The following LINGO2 variants were observed in gnomAD, a reference collection of about 807,000 sequenced individuals.
LINGO2 encodes the protein leucine rich repeat and Ig domain containing 2.
LINGO2 carries 14 observed loss-of-function variants against 30.6 expected under a neutral mutation model. That is an observed-to-expected ratio of 0.46 (90% CI 0.30 to 0.72). The LOEUF (loss-of-function observed/expected upper bound fraction) is 0.72, where lower values mean the gene tolerates loss of function less well. Ranked by LOEUF, LINGO2 falls within the 30% of genes least tolerant of loss-of-function variation. The pLI, the probability that LINGO2 is intolerant of heterozygous loss-of-function variation, is 0.07. For synonymous variants in LINGO2, 317 were observed against 288.5 expected (o/e 1.10, Z -1.00); for missense variants, 729 against 751.7 (o/e 0.97, Z 0.35).
chr9:28,188,212 A>G (rs1354821248), intron 4 of LINGO2, among the ~76,000 whole-genome samples: 1 of 152,120 alleles, frequency 6.6e-6, no homozygotes, highest in Non-Finnish European at 1.5e-5. Flanking sequence ...GCTAATTTCT[A>G]CTTATTCACT....
chr9:28,355,140 C>A (rs1410477873), intron 3 of LINGO2, among the ~76,000 whole-genome samples: 3 of 152,114 alleles, frequency 2.0e-5, no homozygotes, highest in African/African-American at 7.2e-5. Context: ...GTCTAATAGA[C>A]ATCTATAATT....
intron 5 of LINGO2, among the ~76,000 whole-genome samples, chr9:27,975,041 T>C (rs1373583843): frequency 6.6e-6 from 1 of 152,150 alleles, no homozygotes; most frequent in Non-Finnish European, 1.5e-5. Flanking sequence ...AGACTTCTGA[T>C]TTGCATCCTA....
chr9:28,919,159 G>A, the LINGO2 span, among the ~76,000 whole-genome samples: 10 of 152,064 alleles, frequency 6.6e-5, no homozygotes, highest in African/African-American at 9.7e-5. Context: ...ACAGAGCATC[G>A]CCAGATGTAC....
chr9:28,595,467 A>AGCCT (rs1300236964), intron 1 of LINGO2, among the ~76,000 whole-genome samples: 1 of 152,096 alleles, frequency 6.6e-6, no homozygotes, highest in African/African-American at 2.4e-5. Flanking sequence ...TGCCCTTTGC[A>AGCCT]GCCTGGAAAT....
chr9:28,769,297 T>C, the LINGO2 span, among the ~76,000 whole-genome samples: 1 of 150,926 alleles, frequency 6.6e-6, no homozygotes, highest in African/African-American at 2.4e-5. Flanking sequence ...GTTCTCTAGA[T>C]TTTAAAAACA....
At chr9:28,260,043 A>AT (rs1258295784) in intron 4 of LINGO2, among the ~76,000 whole-genome samples, 2 of 151,902 alleles carry the variant, frequency 1.3e-5, no homozygotes, top group African/African-American at 4.8e-5. Flanking sequence ...CTGTTTGCCT[A>AT]TAAGAGCAAG....
intron 1 of LINGO2, among the ~76,000 whole-genome samples, chr9:28,646,571 A>G (rs973875448): frequency 7.9e-5 from 12 of 152,082 alleles, no homozygotes; most frequent in African/African-American, 2.7e-4. Flanking sequence ...AACAAAAAGG[A>G]TCAGACAAAA....
At chr9:28,432,093 C>T (rs190271856) in intron 2 of LINGO2, among the ~76,000 whole-genome samples, 1 of 152,186 alleles carries the variant, frequency 6.6e-6, no homozygotes, top group Non-Finnish European at 1.5e-5. Context: ...TCTATAAAAG[C>T]ACTGTAGGGT....
intron 1 of LINGO2, among the ~76,000 whole-genome samples, chr9:28,542,623 T>C (rs1821751594): frequency 6.6e-6 from 1 of 152,104 alleles, no homozygotes; most frequent in Non-Finnish European, 1.5e-5. Flanking sequence ...TTTTTTTTAA[T>C]GGTAATTTAT....
chr9:28,196,520 A>C (rs1820019101), intron 4 of LINGO2, among the ~76,000 whole-genome samples: 1 of 151,912 alleles, frequency 6.6e-6, no homozygotes, highest in South Asian at 2.1e-4. Context: ...AAAAGGTATA[A>C]TATCTCAGAA....
At chr9:28,854,297 G>A in the LINGO2 span, among the ~76,000 whole-genome samples, 1 of 151,996 alleles carries the variant, frequency 6.6e-6, no homozygotes, top group Non-Finnish European at 1.5e-5. Flanking sequence ...TTTGAATGCT[G>A]AAGAAGACCA....
rs1826509872 is a variant in LINGO2 at position 28,623,519 on chromosome 9, T to TC, written c.-365+46680dup. Reference sequence around the variant, plus strand: ...TTCACTTTAGGTGTGTGAATTTTCTTCTTGGGGGTTCTCTATTCTGTTCTA... The same window carrying TC: ...TTCACTTTAGGTGTGTGAATTTTCTTCCTTGGGGGTTCTCTATTCTGTTCTA... On this transcript the variant is annotated intron_variant, in intron 1 of 5. Coordinates refer to ENST00000379992, the Ensembl canonical transcript of LINGO2. 2.0e-5 allele frequency among the ~76,000 whole-genome samples: 3 copies of TC among 152,042 alleles called. 1 individual carries two copies. Among genetic ancestry groups the TC allele is most frequent in the South Asian group, 4.2e-4 (2 of 4,814 alleles).
the LINGO2 span, among the ~76,000 whole-genome samples, chr9:28,953,040 A>G: frequency 6.6e-6 from 1 of 152,186 alleles, no homozygotes; most frequent in Non-Finnish European, 1.5e-5. Flanking sequence ...TTACATTCCC[A>G]GCATCAACAT....
At chr9:28,097,764 C>T (rs895048126) in intron 4 of LINGO2, among the ~76,000 whole-genome samples, 17 of 150,404 alleles carry the variant, frequency 1.1e-4, no homozygotes, top group Admixed American at 9.3e-4. Flanking sequence ...GCAGCACACC[C>T]GCATGGCACA....
intron 1 of LINGO2, among the ~76,000 whole-genome samples, chr9:28,484,510 C>T (rs1271350571): frequency 1.3e-5 from 2 of 152,096 alleles, no homozygotes; most frequent in Non-Finnish European, 2.9e-5. Context: ...AACATCACCA[C>T]TTTCTTGAAT....
chr9:29,104,425 T>C, the LINGO2 span, among the ~76,000 whole-genome samples: 1 of 152,068 alleles, frequency 6.6e-6, no homozygotes, highest in African/African-American at 2.4e-5. Context: ...CTCCTTTACC[T>C]TCCACCACAA....
chr9:28,768,751 C>T, the LINGO2 span, among the ~76,000 whole-genome samples: 1 of 151,712 alleles, frequency 6.6e-6, no homozygotes, highest in Non-Finnish European at 1.5e-5. Flanking sequence ...GAATATAGTA[C>T]TTCATGGCTT....
intron 2 of LINGO2, among the ~76,000 whole-genome samples, chr9:28,456,601 G>C (rs1824857132): frequency 6.6e-6 from 1 of 152,128 alleles, no homozygotes; most frequent in Non-Finnish European, 1.5e-5. Flanking sequence ...TGTTTTTTGA[G>C]AAATTGCCCA....
chr9:28,891,496 T>A, the LINGO2 span, among the ~76,000 whole-genome samples: 1 of 151,824 alleles, frequency 6.6e-6, no homozygotes. Flanking sequence ...AAAAAGAGTA[T>A]TAGTCATATT....
Sources: gnomAD v4.1 joint callset for allele counts (sites outside exome capture counted in the v4.1 genomes callset) on GRCh38, gnomAD v4.1.1 for gene constraint, MANE v1.5 for transcripts, NCBI Gene and HGNC (gene_info 2026-07-23, HGNC 2026-07-21) for gene names.